ZSCAN5A: variants seen among roughly 807,000 people sequenced by gnomAD.
The protein encoded by ZSCAN5A is zinc finger and SCAN domain containing 5A.
In ZSCAN5A, 12 loss-of-function variants were observed where a neutral mutation model predicts 23.7. The ratio of observed to expected loss-of-function variants is 0.51; its 90% CI spans 0.32 to 0.82. ZSCAN5A has a LOEUF of 0.82. Ranked by LOEUF, ZSCAN5A falls within the 40% of genes least tolerant of loss-of-function variation. The pLI is 0.03. For missense variants in ZSCAN5A, 597 were observed against 617.9 expected (o/e 0.97, Z 0.36); for synonymous variants, 257 against 239.9 (o/e 1.07, Z -0.66).
chr19:56,290,124 T>C (rs978736947), intron 2 of ZSCAN5A, among the ~76,000 whole-genome samples: 5 of 152,378 alleles, frequency 3.3e-5, no homozygotes, highest in Non-Finnish European at 7.3e-5. Context: ...TTGTTCTACC[T>C]GGACCTTCTG....
chr19:56,340,275 T>A (rs1392419503), intron 2 of ZSCAN5A, among the ~76,000 whole-genome samples: 3 of 152,132 alleles, frequency 2.0e-5, no homozygotes, highest in Non-Finnish European at 4.4e-5. Context: ...CTATCATCTT[T>A]CTGTCAGCAA....
At chr19:56,269,867 C>A (rs2037724371) in intron 2 of ZSCAN5A, among the ~76,000 whole-genome samples, 1 of 152,168 alleles carries the variant, frequency 6.6e-6, no homozygotes, top group Admixed American at 6.5e-5. Context: ...CTCTATCAAC[C>A]CATTTCAGAC....
At chr19:56,282,036 G>T (rs1363102648) in intron 2 of ZSCAN5A, among the ~76,000 whole-genome samples, 1 of 152,136 alleles carries the variant, frequency 6.6e-6, no homozygotes, top group South Asian at 2.1e-4. Context: ...CAATCTAGGG[G>T]CCTTTGCTCT....
At chr19:56,254,980 C>T (rs2036598065) in intron 2 of ZSCAN5A, among the ~76,000 whole-genome samples, 1 of 151,874 alleles carries the variant, frequency 6.6e-6, no homozygotes, top group Admixed American at 6.6e-5. Flanking sequence ...TCCCCCTATT[C>T]CATTGGTTGC....
chr19:56,301,401 GGCGTGTCTCTTAGCCT>G lies in ZSCAN5A; in HGVS notation c.-128+11866_-128+11881del, dbSNP rs1236662128. ...TCTGTGAACTGTCATGGTACTGGTG[GGCGTGTCTCTTAGCCT>G]GCTAATGCATTATAATTAGTATATA... On this transcript the variant is annotated intron_variant, in intron 2 of 5. Coordinates refer to ENST00000683990, the MANE Select transcript of ZSCAN5A (RefSeq NM_001322064.3). Among the ~76,000 whole-genome samples, 3 of 152,036 alleles carry G rather than the reference GGCGTGTCTCTTAGCCT, an allele frequency of 2.0e-5. No individual in the cohort carries two copies. The East Asian group carries it at 5.8e-4, about 29-fold the overall frequency.
intron 2 of ZSCAN5A, chr19:56,302,872 G>C (rs1382002797): frequency 1.0e-5 from 4 of 398,660 alleles, no homozygotes; most frequent in Non-Finnish European, 1.8e-5. Context: ...CCTGTTGCTG[G>C]TTGCTGGGGA....
chr19:56,225,173 T>C lies in ZSCAN5A; in HGVS notation c.-127A>G, dbSNP rs914942136. 18 of 1,381,686 alleles carry C rather than the reference T, an allele frequency of 1.3e-5. No individual in the cohort carries two copies. In the African/African-American group the frequency reaches 2.6e-4, roughly 20 times the overall value. 85.6% of individuals were successfully genotyped at this position (1,381,686 alleles called of 1,614,324 possible). On this transcript the variant is annotated splice_region_variant and 5_prime_UTR_variant, in exon 3 of 6. Coordinates refer to ENST00000683990, the MANE Select transcript of ZSCAN5A (RefSeq NM_001322064.3). ...AATAGATTCACTGTTCATTCAGAAG[T>C]CTGGGGGGGAAAAGTATGAGCCTCA...
At chr19:56,289,228 G>A (rs1405040755) in intron 2 of ZSCAN5A, among the ~76,000 whole-genome samples, 1 of 152,210 alleles carries the variant, frequency 6.6e-6, no homozygotes, top group African/African-American at 2.4e-5. Context: ...CTAAATTTTA[G>A]TAATTGTCTC....
intron 2 of ZSCAN5A, chr19:56,341,017 C>G (rs553056358): frequency 1.3e-5 from 2 of 152,306 alleles, no homozygotes; most frequent in Admixed American, 1.3e-4. Context: ...AAGCTGGGAA[C>G]CCCTCAGGGC....
At chr19:56,343,935 T>C (rs989705209) in intron 2 of ZSCAN5A, among the ~76,000 whole-genome samples, 3 of 152,354 alleles carry the variant, frequency 2.0e-5, no homozygotes, top group Middle Eastern at 3.4e-3. Context: ...TATTATTTAA[T>C]AGTAATTTAG....
At chr19:56,228,118 T>A in intron 2 of ZSCAN5A, 1 of 502,726 alleles carries the variant, frequency 2.0e-6, no homozygotes, top group Non-Finnish European at 2.6e-6. Flanking sequence ...GAGTTAATCA[T>A]GGGGTGCAAA....
chr19:56,347,098 T>A (rs999935934), intron 2 of ZSCAN5A: 2 of 152,208 alleles, frequency 1.3e-5, no homozygotes, highest in Non-Finnish European at 2.9e-5. Context: ...AGGAGTCCTT[T>A]ATTAGCCAGA....
intron 2 of ZSCAN5A, chr19:56,354,704 G>C (rs1260847445): frequency 6.6e-6 from 1 of 152,096 alleles, no homozygotes; most frequent in Non-Finnish European, 1.5e-5. Flanking sequence ...AGTCAGAAGG[G>C]CCCACACCTC....
At position 56,284,892 on chromosome 19, in the gene ZSCAN5A, T is replaced by A. The variant is rs2038989287; in HGVS notation, c.-128+28391A>T. 7 of 424,148 alleles carry A rather than the reference T, an allele frequency of 1.7e-5. No homozygotes were observed. In the South Asian group the frequency reaches 5.0e-4, roughly 30 times the overall value. 26.3% of individuals were successfully genotyped at this position (424,148 alleles called of 1,614,324 possible). On this transcript the variant is annotated intron_variant, in intron 2 of 5. Transcript: ENST00000683990. ...ATGACTGAGGCATTATAGCCACACT[T>A]CCTGAAGAAGAGTTTGTTACATCTG...
rs954850290 is a variant in ZSCAN5A at position 56,329,691 on chromosome 19, T to TA, written c.-357-13424dup. On this transcript the variant is annotated intron_variant, in intron 2 of 6. Coordinates refer to the ZSCAN5A transcript ENST00000587340. ...AATAGTCAATACAATTTAAAAAACA[T>TA]AAAAAAAAAGTTTTTCATGATAATT... Among the ~76,000 whole-genome samples the TA allele has an allele frequency of 7.3e-5, 11 of 151,266 alleles. No individual in the cohort carries two copies. The East Asian group carries it at 1.2e-3, about 16-fold the overall frequency.
chr19:56,227,750 C>G (rs551955579), intron 2 of ZSCAN5A, among the ~76,000 whole-genome samples: 1 of 152,170 alleles, frequency 6.6e-6, no homozygotes, highest in South Asian at 2.1e-4. Context: ...GAAAATCCAG[C>G]AATGCTTTTT....
At chr19:56,223,870 A>G (rs2033605930) in intron 3 of ZSCAN5A, 36 bp from the exon 4 acceptor site, 1 of 1,570,536 alleles carries the variant, frequency 6.4e-7, no homozygotes, top group Admixed American at 1.7e-5. Flanking sequence ...ACTCACCATG[A>G]GAACCTGAAA....
chr19:56,296,580 G>C (rs900761787), intron 2 of ZSCAN5A, among the ~76,000 whole-genome samples: 4 of 152,070 alleles, frequency 2.6e-5, no homozygotes, highest in African/African-American at 9.7e-5. Flanking sequence ...AGGTGTTAGA[G>C]ATGCAGCAGA....
upstream of ZSCAN5A, chr19:56,319,648 G>A: frequency 1.8e-6 from 1 of 550,674 alleles, no homozygotes; most frequent in Non-Finnish European, 3.3e-6. Flanking sequence ...AGTAAAAGCA[G>A]ATATGCTCAA....
Sources: allele counts gnomAD v4.1 joint callset (sites outside exome capture counted in the v4.1 genomes callset), GRCh38; gene constraint gnomAD v4.1.1; transcripts MANE v1.5; gene names NCBI Gene and HGNC (gene_info 2026-07-23, HGNC 2026-07-21).